RSBN1: variants seen among roughly 807,000 people sequenced by gnomAD.
The protein encoded by RSBN1 is lysine-specific demethylase 9.
RSBN1 carries 23 observed loss-of-function variants against 74.8 expected under a neutral mutation model. That is an observed-to-expected ratio of 0.31 (90% CI 0.22 to 0.44). RSBN1 has a LOEUF of 0.44. Among genes scored for constraint, RSBN1 ranks in the 20% least tolerant of loss-of-function variants. The pLI is 1.00. For synonymous variants in RSBN1, 407 were observed against 379.6 expected (o/e 1.07, Z -0.84); for missense variants, 808 against 1,020.9 (o/e 0.79, Z 2.84).
intron 1 of RSBN1, among the ~76,000 whole-genome samples, chr1:113,810,701 G>A (rs527743692): frequency 1.3e-5 from 2 of 152,250 alleles, no homozygotes; most frequent in Admixed American, 1.3e-4. Context: ...TTGAAAGATT[G>A]TCTCATTAAC....
intron 2 of RSBN1, among the ~76,000 whole-genome samples, chr1:113,787,887 A>G (rs1660280268): frequency 6.6e-6 from 1 of 152,200 alleles, no homozygotes; most frequent in African/African-American, 2.4e-5. Context: ...CTGAGTTTCT[A>G]ATGTTTTATA....
At chr1:113,768,065 C>T in intron 5 of RSBN1, 157 bp downstream of exon 5, 1 of 552,322 alleles carries the variant, frequency 1.8e-6, no homozygotes, top group East Asian at 3.0e-5. Flanking sequence ...TGTAAAGATG[C>T]TTAACTCTAC....
intron 4 of RSBN1, among the ~76,000 whole-genome samples, chr1:113,774,349 G>T (rs1659943454): frequency 6.6e-6 from 1 of 151,710 alleles, no homozygotes; most frequent in Admixed American, 6.6e-5. Context: ...ATAAAGAGTT[G>T]GTGAGGGCCA....
intron 1 of RSBN1, among the ~76,000 whole-genome samples, 187 bp downstream of exon 1, chr1:113,811,523 C>T (rs1263736599): frequency 6.6e-6 from 1 of 152,184 alleles, no homozygotes; most frequent in Non-Finnish European, 1.5e-5. Context: ...GGCCTCGGAG[C>T]GAGAAGCCTC....
At chr1:113,790,523 T>C (rs1660343269) in intron 2 of RSBN1, among the ~76,000 whole-genome samples, 1 of 152,130 alleles carries the variant, frequency 6.6e-6, no homozygotes, top group South Asian at 2.1e-4. Context: ...AAAGTTTAAA[T>C]AGTATTTATG....
At chr1:113,773,903 T>C (rs903380262) in intron 4 of RSBN1, among the ~76,000 whole-genome samples, 12 of 151,800 alleles carry the variant, frequency 7.9e-5, no homozygotes, top group Non-Finnish European at 1.6e-4. Flanking sequence ...CTCGGGAGGC[T>C]GAGGCAGGAG....
Position 113,761,876 on chromosome 1 carries a change from GAAAAA to G in RSBN1, c.*4099_*4103del, listed in dbSNP as rs796955403. 2.8e-5 allele frequency: 4 copies of G among 143,600 alleles called. No homozygotes were observed. The highest frequency in any genetic ancestry group is 1.0e-4 in the African/African-American group (4 of 39,186). 8.9% of individuals were successfully genotyped at this position (143,600 alleles called of 1,614,324 possible). ...TTTTTATTAAAAAAATACTTTACAG[GAAAAA>G]AAAAAACTATGCATTCCATTGTCCT... is the stretch of plus-strand genomic sequence containing the variant. On this transcript the variant is annotated 3_prime_UTR_variant, in exon 7 of 7. Coordinates refer to ENST00000261441, the MANE Select transcript of RSBN1 (RefSeq NM_018364.5).
At chr1:113,774,821 C>T (rs147435549) in intron 4 of RSBN1, among the ~76,000 whole-genome samples, 1,908 of 152,262 alleles carry the variant, frequency 0.013, 22 homozygotes, top group Non-Finnish European at 0.019. Flanking sequence ...TGCCACTGCA[C>T]TCCAGCCTAG....
chr1:113,812,441 C>T lies in RSBN1; in HGVS notation c.-29G>A. On this transcript the variant is annotated 5_prime_UTR_variant, in exon 1 of 7. Transcript: ENST00000261441. Reference sequence around the variant, plus strand: ...GGAAGCGGCCGTTCCCAGCTTTTCTCCGCAGGCCTCTCCAACCGAGCTTCT... The same window carrying T: ...GGAAGCGGCCGTTCCCAGCTTTTCTTCGCAGGCCTCTCCAACCGAGCTTCT... 6.4e-7 allele frequency: 1 copy of T among 1,556,402 alleles called. No homozygotes were observed. Among genetic ancestry groups the T allele is most frequent in the Non-Finnish European group, 8.6e-7 (1 of 1,158,218 alleles).
chr1:113,786,852 TA>T (rs1660254068), intron 2 of RSBN1, among the ~76,000 whole-genome samples: 1 of 152,164 alleles, frequency 6.6e-6, no homozygotes. Context: ...TGAGTGCCTG[TA>T]GTCTATTTCT....
intron 2 of RSBN1, among the ~76,000 whole-genome samples, chr1:113,783,786 C>T (rs375113197): frequency 3.3e-5 from 5 of 152,040 alleles, no homozygotes; most frequent in Admixed American, 6.6e-5. Context: ...CCAGTAGGAA[C>T]GACAAAAATT....
intron 2 of RSBN1, among the ~76,000 whole-genome samples, chr1:113,778,428 G>C (rs761027999): frequency 7.2e-5 from 11 of 151,842 alleles, no homozygotes; most frequent in Non-Finnish European, 1.5e-5. Flanking sequence ...CTCCCAAGTA[G>C]CTGGAATTAC....
chr1:113,785,421 TAGTA>T (rs1175569805), intron 2 of RSBN1, among the ~76,000 whole-genome samples: 2 of 152,206 alleles, frequency 1.3e-5, no homozygotes, highest in Non-Finnish European at 2.9e-5. Context: ...ATAGTAAATA[TAGTA>T]AGTGATAGGA....
intron 1 of RSBN1, among the ~76,000 whole-genome samples, chr1:113,800,464 C>T (rs1660560353): frequency 6.6e-6 from 1 of 151,988 alleles, no homozygotes; most frequent in African/African-American, 2.4e-5. Context: ...AGGCAATTCT[C>T]CCAAGCAACT....
At position 113,812,000 on chromosome 1, in the gene RSBN1, A is replaced by G. The variant is rs1271687590; in HGVS notation, c.413T>C (p.Val138Ala). 1.9e-6 allele frequency: 3 copies of G among 1,555,036 alleles called. No homozygotes were observed. Among genetic ancestry groups the G allele is most frequent in the Non-Finnish European group, 2.6e-6 (3 of 1,150,000 alleles). The change falls in exon 1 of 7, where the codon GTT becomes GCT. Residue 138 changes from valine to alanine, a missense_variant. Val to Ala is a moderately conservative substitution (Grantham distance 64, BLOSUM62 0). Transcript: ENST00000261441. ...TNAAPTVPGP[V>A]EPLLLPPPPP... ...CGGAGGCGGCAGGAGAAGAGGCTCA[A>G]CAGGGCCTGGGACAGTTGGGGCTGC...
intron 2 of RSBN1, among the ~76,000 whole-genome samples, chr1:113,790,136 A>G (rs1660337179): frequency 6.6e-6 from 1 of 152,178 alleles, no homozygotes; most frequent in South Asian, 2.1e-4. Flanking sequence ...TTCGCTTAAT[A>G]TATTTTATAC....
chr1:113,791,855 AGC>A, intron 2 of RSBN1, among the ~76,000 whole-genome samples: 1 of 152,192 alleles, frequency 6.6e-6, no homozygotes, highest in East Asian at 1.9e-4. Flanking sequence ...CTATTTCCCA[AGC>A]TATATACTAC....
intron 1 of RSBN1, among the ~76,000 whole-genome samples, chr1:113,811,095 T>C (rs187761819): frequency 3.6e-4 from 55 of 152,304 alleles, no homozygotes; most frequent in Non-Finnish European, 5.9e-4. Context: ...TCCTATTTCC[T>C]AGTATCAAAG....
chr1:113,774,224 C>A (rs1659941630), intron 4 of RSBN1, among the ~76,000 whole-genome samples: 1 of 152,044 alleles, frequency 6.6e-6, no homozygotes, highest in African/African-American at 2.4e-5. Context: ...CAATGTGGAA[C>A]TGGAAAGTGA....
Sources: allele counts gnomAD v4.1 joint callset (sites outside exome capture counted in the v4.1 genomes callset), GRCh38; gene constraint gnomAD v4.1.1; transcripts MANE v1.5; gene names NCBI Gene and HGNC (gene_info 2026-07-23, HGNC 2026-07-21).